Variants in CFAP95 observed in about 807,000 individuals in gnomAD.
CFAP95 encodes cilia- and flagella-associated protein 95.
the CFAP95 span, among the ~76,000 whole-genome samples, chr9:69,822,294 C>T: frequency 6.6e-6 from 1 of 152,202 alleles, no homozygotes; most frequent in African/African-American, 2.4e-5. Context: ...GACTTCATCC[C>T]ATTCATTCAT....
the CFAP95 span, chr9:69,857,934 T>A: frequency 1.0e-4 from 165 of 1,614,100 alleles, 1 homozygote; most frequent in Middle Eastern, 3.3e-4. Context: ...TGCCACAGGT[T>A]TTGGAGCTGT....
the CFAP95 span, among the ~76,000 whole-genome samples, chr9:69,875,810 A>G: frequency 6.6e-6 from 1 of 152,332 alleles, no homozygotes; most frequent in Non-Finnish European, 1.5e-5. Flanking sequence ...TTTACTATAC[A>G]TGCTTCAATG....
the CFAP95 span, among the ~76,000 whole-genome samples, chr9:69,833,453 C>T: frequency 4.6e-5 from 7 of 152,196 alleles, no homozygotes; most frequent in Non-Finnish European, 8.8e-5. Context: ...CTACCTGCCT[C>T]TGCCTCCCAA....
chr9:69,875,117 T>C, the CFAP95 span, among the ~76,000 whole-genome samples: 1 of 152,240 alleles, frequency 6.6e-6, no homozygotes, highest in Non-Finnish European at 1.5e-5. Flanking sequence ...TGATTTCCCA[T>C]ATTTTTATTC....
chr9:69,832,739 A>T, the CFAP95 span, among the ~76,000 whole-genome samples: 1 of 145,990 alleles, frequency 6.8e-6, no homozygotes, highest in African/African-American at 2.5e-5. Flanking sequence ...TACATGTGCA[A>T]AACGTGCAGG....
At chr9:69,862,225 T>C in the CFAP95 span, among the ~76,000 whole-genome samples, 3 of 152,116 alleles carry the variant, frequency 2.0e-5, no homozygotes, top group South Asian at 6.2e-4. Context: ...GATTTAGGGG[T>C]TCAAGGCCTT....
chr9:69,887,336 C>T, the CFAP95 span, among the ~76,000 whole-genome samples: 9 of 152,280 alleles, frequency 5.9e-5, no homozygotes, highest in African/African-American at 2.2e-4. Flanking sequence ...AGAAACAAAA[C>T]AAGGCTGCTT....
the CFAP95 span, among the ~76,000 whole-genome samples, chr9:69,822,538 C>T: frequency 7.2e-5 from 11 of 152,316 alleles, no homozygotes; most frequent in Middle Eastern, 3.4e-3. Context: ...AAGCAAAACA[C>T]TTAGCTCTTC....
At chr9:69,883,921 A>G in the CFAP95 span, among the ~76,000 whole-genome samples, 1 of 151,682 alleles carries the variant, frequency 6.6e-6, no homozygotes, top group Admixed American at 6.6e-5. Flanking sequence ...TCTTCTACTA[A>G]TTTTGGATTC....
chr9:69,895,953 G>A, the CFAP95 span, among the ~76,000 whole-genome samples: 1,206 of 152,102 alleles, frequency 7.9e-3, 12 homozygotes, highest in Admixed American at 0.012. Flanking sequence ...GAGCTGCTGC[G>A]CCTGGCCTGG....
At chr9:69,840,628 A>G in the CFAP95 span, among the ~76,000 whole-genome samples, 12 of 152,304 alleles carry the variant, frequency 7.9e-5, no homozygotes, top group South Asian at 2.5e-3. Flanking sequence ...ATATATGGTA[A>G]ATATGTATTA....
chr9:69,881,449 C>T, the CFAP95 span, among the ~76,000 whole-genome samples: 62 of 152,234 alleles, frequency 4.1e-4, no homozygotes, highest in African/African-American at 1.4e-3. Flanking sequence ...GTTCTTGGCA[C>T]CTTTCTCAAA....
At chr9:69,825,535 C>T in the CFAP95 span, among the ~76,000 whole-genome samples, 86,695 of 151,974 alleles carry the variant, frequency 0.57, 25,491 homozygotes, top group South Asian at 0.68. Context: ...AGCCATATCA[C>T]CCTTATCACA....
chr9:69,821,843 G>C, the CFAP95 span, among the ~76,000 whole-genome samples: 2 of 152,020 alleles, frequency 1.3e-5, no homozygotes, highest in Non-Finnish European at 2.9e-5. Context: ...CTTGGCCAGA[G>C]AGGATTTTAT....
the CFAP95 span, among the ~76,000 whole-genome samples, chr9:69,856,926 T>TTG: frequency 1.3e-5 from 2 of 150,514 alleles, 1 homozygote; most frequent in African/African-American, 4.9e-5. Flanking sequence ...ATGTGTTTTT[T>TTG]TTTTTTTTTT....
At chr9:69,860,860 G>C in the CFAP95 span, among the ~76,000 whole-genome samples, 27 of 152,014 alleles carry the variant, frequency 1.8e-4, no homozygotes, top group Non-Finnish European at 1.8e-4. Context: ...GCTTCTGATA[G>C]GCCTTCAGGG....
chr9:69,892,002 C>T, the CFAP95 span, among the ~76,000 whole-genome samples: 1 of 152,156 alleles, frequency 6.6e-6, no homozygotes, highest in Non-Finnish European at 1.5e-5. Flanking sequence ...ATTATATTAT[C>T]AGCATCATTT....
At chr9:69,857,017 C>T in the CFAP95 span, among the ~76,000 whole-genome samples, 24 of 151,416 alleles carry the variant, frequency 1.6e-4, no homozygotes, top group Non-Finnish European at 2.9e-4. Context: ...GTTTATAACC[C>T]AGCTTGTTCA....
chr9:69,902,527 C>T, the CFAP95 span: 1 of 274,146 alleles, frequency 3.6e-6, no homozygotes, highest in African/African-American at 2.3e-5. Flanking sequence ...AAGAGGAAAA[C>T]ACATGAATAA....
Sources: allele counts gnomAD v4.1 joint callset (sites outside exome capture counted in the v4.1 genomes callset), GRCh38; gene constraint gnomAD v4.1.1; transcripts MANE v1.5; gene names NCBI Gene and HGNC (gene_info 2026-07-23, HGNC 2026-07-21).